CRB1: variants seen among roughly 807,000 people sequenced by gnomAD.
The protein encoded by CRB1 is protein crumbs homolog 1.
CRB1 carries 83 observed loss-of-function variants against 120.0 expected under a neutral mutation model. That is an observed-to-expected ratio of 0.69 (90% CI 0.58 to 0.83). The LOEUF is 0.83. CRB1 is among the 40% of genes least tolerant of loss of function. The pLI is 0.00. For synonymous variants in CRB1, 625 were observed against 612.5 expected (o/e 1.02, Z -0.30); for missense variants, 1,699 against 1,687.6 (o/e 1.01, Z -0.12).
At chr1:197,410,064 C>A (rs1663626100) in intron 5 of CRB1, among the ~76,000 whole-genome samples, 2 of 152,276 alleles carry the variant, frequency 1.3e-5, no homozygotes, top group South Asian at 4.1e-4. Context: ...GCATTACAGG[C>A]GTGAGCCACT....
chr1:197,299,697 T>C (rs922241712), intron 1 of CRB1, among the ~76,000 whole-genome samples: 2 of 152,206 alleles, frequency 1.3e-5, no homozygotes, highest in Non-Finnish European at 2.9e-5. Context: ...ACTACTGTTA[T>C]GTGCAACTAC....
intron 1 of CRB1, among the ~76,000 whole-genome samples, chr1:197,274,520 A>G (rs1414800079): frequency 1.3e-5 from 2 of 152,164 alleles, no homozygotes; most frequent in African/African-American, 4.8e-5. Context: ...AAAATTCTGT[A>G]CATTTTGACA....
intron 6 of CRB1, among the ~76,000 whole-genome samples, chr1:197,422,590 C>T (rs967474425): frequency 9.2e-5 from 14 of 151,362 alleles, no homozygotes; most frequent in Middle Eastern, 3.4e-3. Flanking sequence ...AATAGTAGAA[C>T]TTGGTAGATG....
chr1:197,413,394 C>T (rs2821118), intron 5 of CRB1, among the ~76,000 whole-genome samples: 10,487 of 152,212 alleles, frequency 0.069, 1,259 homozygotes, highest in African/African-American at 0.24. Context: ...AGCCTTTACT[C>T]TTTTTTCTTA....
chr1:197,391,719 C>T (rs1662515529), intron 5 of CRB1, among the ~76,000 whole-genome samples: 1 of 151,942 alleles, frequency 6.6e-6, no homozygotes, highest in Non-Finnish European at 1.5e-5. Flanking sequence ...TTAACCAGTT[C>T]TCAGTTCTCA....
In CRB1 at chr1:197,381,171, T is replaced by G. The variant is rs2984787; in HGVS notation, c.1171+24158T>G. Among the ~76,000 whole-genome samples, 1,219 of 152,322 alleles carry G rather than the reference T, an allele frequency of 8.0e-3. 13 individuals are homozygous for G. Among genetic ancestry groups the G allele is most frequent in the African/African-American group, 0.028 (1,162 of 41,558 alleles). On this transcript the variant is annotated intron_variant, in intron 5 of 11. Transcript: ENST00000367400. ...TCTAGGGCCTTCAGCCAGCTTCTATTAAATGGGTTCCTCATTCTGGTTTAC... is the reference window on the plus strand; with the variant it reads ...TCTAGGGCCTTCAGCCAGCTTCTATGAAATGGGTTCCTCATTCTGGTTTAC...
chr1:197,329,189 G>A (rs1658710588), intron 2 of CRB1, among the ~76,000 whole-genome samples, 186 bp downstream of exon 2: 3 of 152,190 alleles, frequency 2.0e-5, no homozygotes, highest in Non-Finnish European at 4.4e-5. Flanking sequence ...AATTCTAAGT[G>A]GTTGCCTGCT....
At chr1:197,342,193 G>A (rs376315171) in intron 2 of CRB1, among the ~76,000 whole-genome samples, 8 of 152,228 alleles carry the variant, frequency 5.3e-5, no homozygotes, top group Non-Finnish European at 7.4e-5. Flanking sequence ...AGACCCTGGC[G>A]TCATTCAAAC....
chr1:197,394,063 A>G (rs996393679), intron 5 of CRB1, among the ~76,000 whole-genome samples: 5 of 151,972 alleles, frequency 3.3e-5, no homozygotes, highest in African/African-American at 1.2e-4. Flanking sequence ...TTTGAACTGC[A>G]TGGGTCCAAC....
chr1:197,317,366 C>T lies in CRB1; in HGVS notation c.71-11056C>T, dbSNP rs145371695. On this transcript the variant is annotated intron_variant, in intron 1 of 11. Transcript: ENST00000367400. ...TCGGGAAGCGGAGGTTGCAGTGAAC[C>T]GAGATCACGCCTTTGCACTCCAGCC... Among the ~76,000 whole-genome samples the T allele has an allele frequency of 1.2e-3, 178 of 152,124 alleles. 2 individuals carry two copies. The highest frequency in any genetic ancestry group is 4.1e-3 in the African/African-American group (169 of 41,504).
intron 5 of CRB1, among the ~76,000 whole-genome samples, chr1:197,384,382 C>T (rs1386548935): frequency 6.6e-6 from 1 of 152,114 alleles, no homozygotes; most frequent in Non-Finnish European, 1.5e-5. Context: ...CACATTTCCC[C>T]CTGACAACAA....
the CRB1 span, among the ~76,000 whole-genome samples, chr1:197,231,231 A>G: frequency 6.6e-6 from 1 of 152,206 alleles, no homozygotes; most frequent in African/African-American, 2.4e-5. Flanking sequence ...TTTTAAAGTC[A>G]TATGTTTATA....
At chr1:197,355,707 C>T (rs1331455771) in intron 4 of CRB1, among the ~76,000 whole-genome samples, 1 of 152,202 alleles carries the variant, frequency 6.6e-6, no homozygotes, top group Non-Finnish European at 1.5e-5. Context: ...CCGGCAAGCC[C>T]ACGCCCACCC....
At chr1:197,417,090 G>T (rs1664046312) in intron 5 of CRB1, among the ~76,000 whole-genome samples, 1 of 152,202 alleles carries the variant, frequency 6.6e-6, no homozygotes. Context: ...GATTTCGTTG[G>T]AGAGGCTTGC....
chr1:197,207,791 C>A, the CRB1 span, among the ~76,000 whole-genome samples: 1 of 151,804 alleles, frequency 6.6e-6, no homozygotes, highest in Non-Finnish European at 1.5e-5. Context: ...AATTTTTTTT[C>A]GATTAGTCCC....
chr1:197,291,648 T>C lies in CRB1; in HGVS notation c.70+23166T>C, dbSNP rs75710446. ...ATTTATTTCAAGATGTCACATATAT[T>C]TGTCTTTTCAGTTTCCAGAGTCCTT... On this transcript the variant is annotated intron_variant, in intron 1 of 11. Coordinates refer to ENST00000367400, the MANE Select transcript of CRB1 (RefSeq NM_201253.3). Among the ~76,000 whole-genome samples, 893 of 151,960 alleles carry C rather than the reference T, an allele frequency of 5.9e-3. 8 individuals are homozygous for C. Among genetic ancestry groups the C allele is most frequent in the African/African-American group, 0.019 (808 of 41,524 alleles).
At chr1:197,331,949 C>T (rs1041767557) in intron 2 of CRB1, among the ~76,000 whole-genome samples, 1 of 151,968 alleles carries the variant, frequency 6.6e-6, no homozygotes, top group Non-Finnish European at 1.5e-5. Flanking sequence ...CTGAGGCCGG[C>T]AGATCACGAG....
chr1:197,327,099 A>AC (rs1347355534), intron 1 of CRB1, among the ~76,000 whole-genome samples: 16,491 of 76,886 alleles, frequency 0.21, 2,003 homozygotes, highest in African/African-American at 0.39. Flanking sequence ...ACCAAAAAAA[A>AC]AAAAAAAAAA....
chr1:197,407,580 A>G (rs34932217), intron 5 of CRB1, among the ~76,000 whole-genome samples: 37,972 of 152,038 alleles, frequency 0.25, 5,265 homozygotes, highest in Middle Eastern at 0.38. Context: ...GAAATTTTAG[A>G]CCAGTTCTGA....
Sources: gnomAD v4.1 joint callset for allele counts (sites outside exome capture counted in the v4.1 genomes callset) on GRCh38, gnomAD v4.1.1 for gene constraint, MANE v1.5 for transcripts, NCBI Gene and HGNC (gene_info 2026-07-23, HGNC 2026-07-21) for gene names.